The following LOC400499 variants were observed in gnomAD, a reference collection of about 807,000 sequenced individuals.
the LOC400499 span, among the ~76,000 whole-genome samples, chr16:11,405,347 C>T: frequency 6.6e-6 from 1 of 152,156 alleles, no homozygotes; most frequent in Non-Finnish European, 1.5e-5. Flanking sequence ...TGCCTGGGTA[C>T]AAAGCTAGCC....
At chr16:11,509,744 T>A in the LOC400499 span, among the ~76,000 whole-genome samples, 1 of 151,960 alleles carries the variant, frequency 6.6e-6, no homozygotes, top group African/African-American at 2.4e-5. Context: ...GGCAGAAGAA[T>A]TGCTTGAACC....
chr16:11,506,211 G>T, the LOC400499 span, among the ~76,000 whole-genome samples: 1 of 152,048 alleles, frequency 6.6e-6, no homozygotes, highest in Non-Finnish European at 1.5e-5. Context: ...TTTTAGTAGA[G>T]ACAGGGTTTC....
At chr16:11,516,525 G>A in the LOC400499 span, among the ~76,000 whole-genome samples, 14 of 152,238 alleles carry the variant, frequency 9.2e-5, no homozygotes, top group African/African-American at 2.2e-4. Flanking sequence ...TTTTCACCCC[G>A]GGACAAATGG....
chr16:11,491,909 T>C, the LOC400499 span: 11 of 397,778 alleles, frequency 2.8e-5, no homozygotes, highest in Admixed American at 4.0e-4. Context: ...GAGTATGATG[T>C]CCCTGGCTGC....
the LOC400499 span, among the ~76,000 whole-genome samples, chr16:11,381,947 ATTT>A: frequency 1.4e-5 from 2 of 147,622 alleles, no homozygotes; most frequent in Admixed American, 6.8e-5. Context: ...TCATTCTGGA[ATTT>A]TTTTTTTTTT....
chr16:11,440,151 C>A, the LOC400499 span, among the ~76,000 whole-genome samples: 1 of 152,034 alleles, frequency 6.6e-6, no homozygotes, highest in South Asian at 2.1e-4. Context: ...GAGATACAAC[C>A]CATCCATGCT....
At chr16:11,408,501 C>T in the LOC400499 span, among the ~76,000 whole-genome samples, 2 of 137,964 alleles carry the variant, frequency 1.4e-5, no homozygotes, top group Admixed American at 1.6e-4. Context: ...TCTGCTCTGT[C>T]ATCCAGGCTA....
chr16:11,524,708 T>C, the LOC400499 span, among the ~76,000 whole-genome samples: 1 of 151,916 alleles, frequency 6.6e-6, no homozygotes, highest in Non-Finnish European at 1.5e-5. Context: ...TGCCAGAGAT[T>C]CCTGGAGCTC....
At chr16:11,375,736 T>TC in the LOC400499 span, among the ~76,000 whole-genome samples, 2 of 150,432 alleles carry the variant, frequency 1.3e-5, no homozygotes, top group African/African-American at 4.9e-5. Context: ...TTGTACATTT[T>TC]TTTTTTTTTT....
At chr16:11,468,841 G>C in the LOC400499 span, among the ~76,000 whole-genome samples, 2 of 152,078 alleles carry the variant, frequency 1.3e-5, no homozygotes, top group Non-Finnish European at 2.9e-5. Flanking sequence ...TGGCCAGGCT[G>C]GTCTCGAACT....
At chr16:11,417,838 A>G in the LOC400499 span, 2 of 398,786 alleles carry the variant, frequency 5.0e-6, no homozygotes, top group Non-Finnish European at 8.8e-6. Flanking sequence ...GTCCACAGAG[A>G]CCTGGAATGA....
At chr16:11,447,729 C>T in the LOC400499 span, among the ~76,000 whole-genome samples, 2 of 152,094 alleles carry the variant, frequency 1.3e-5, no homozygotes, top group Admixed American at 6.6e-5. Flanking sequence ...TCTGCTCCCA[C>T]CTCAGCAACT....
the LOC400499 span, among the ~76,000 whole-genome samples, chr16:11,405,603 G>A: frequency 3.3e-5 from 5 of 152,238 alleles, no homozygotes; most frequent in Non-Finnish European, 7.4e-5. Flanking sequence ...GTGACTTGAG[G>A]GCACTGCAGG....
At chr16:11,403,204 C>A in the LOC400499 span, among the ~76,000 whole-genome samples, 1 of 152,262 alleles carries the variant, frequency 6.6e-6, no homozygotes, top group Non-Finnish European at 1.5e-5. Context: ...CAAAGGGCAC[C>A]CACCTGTTCA....
the LOC400499 span, among the ~76,000 whole-genome samples, chr16:11,418,661 T>C: frequency 6.6e-6 from 1 of 152,238 alleles, no homozygotes; most frequent in African/African-American, 2.4e-5. Flanking sequence ...CCTTGCGGTC[T>C]GGATCGAGAC....
At chr16:11,512,096 C>G in the LOC400499 span, among the ~76,000 whole-genome samples, 33 of 151,756 alleles carry the variant, frequency 2.2e-4, no homozygotes, top group African/African-American at 7.5e-4. Flanking sequence ...CCAGACCACC[C>G]TGATGGTAAA....
At chr16:11,411,006 C>A in the LOC400499 span, among the ~76,000 whole-genome samples, 1 of 152,262 alleles carries the variant, frequency 6.6e-6, no homozygotes, top group Admixed American at 6.5e-5. Context: ...GAGGCCTCCC[C>A]CATCTCCCAA....
chr16:11,456,710 G>C, the LOC400499 span: 2 of 955,664 alleles, frequency 2.1e-6, no homozygotes, highest in Non-Finnish European at 3.1e-6. Flanking sequence ...TTACAGGCGT[G>C]AGCCACTGTG....
chr16:11,421,273 A>G, the LOC400499 span, among the ~76,000 whole-genome samples: 2 of 152,158 alleles, frequency 1.3e-5, no homozygotes, highest in South Asian at 4.1e-4. Context: ...TCATCACCAC[A>G]CAGCTGGCTC....
Sources: allele counts gnomAD v4.1 joint callset (sites outside exome capture counted in the v4.1 genomes callset), GRCh38; gene constraint gnomAD v4.1.1; transcripts MANE v1.5.